The following POTEJ variants were observed in gnomAD, a reference collection of about 807,000 sequenced individuals.
POTEJ encodes POTE ankyrin domain family member J.
POTEJ carries 11 observed loss-of-function variants against 69.0 expected under a neutral mutation model. The ratio of observed to expected loss-of-function variants is 0.16; its 90% CI spans 0.10 to 0.26. POTEJ has a LOEUF of 0.26. POTEJ is among the 10% of genes least tolerant of loss of function. The pLI, the probability that POTEJ is intolerant of heterozygous loss-of-function variation, is 1.00. For synonymous variants in POTEJ, 117 were observed against 381.1 expected, an observed-to-expected ratio of 0.31 and a Z score of 8.07; for missense variants, 327 against 1,045.5, an observed-to-expected ratio of 0.31 and a Z score of 9.48.
At chr2:130,650,331 A>C (rs1397602992) in intron 13 of POTEJ, among the ~76,000 whole-genome samples, 3 of 152,268 alleles carry the variant, frequency 2.0e-5, no homozygotes, top group African/African-American at 7.2e-5. Context: ...ACACATAAAG[A>C]TTTCATTTTC....
chr2:130,637,284 T>A (rs1686129999), intron 9 of POTEJ, among the ~76,000 whole-genome samples: 2 of 150,612 alleles, frequency 1.3e-5, no homozygotes, highest in African/African-American at 4.9e-5. Context: ...GTAAACTGAG[T>A]CAGAGGAATT....
chr2:130,655,356 T>C (rs1420939610), intron 14 of POTEJ, among the ~76,000 whole-genome samples: 1 of 152,206 alleles, frequency 6.6e-6, no homozygotes, highest in African/African-American at 2.4e-5. Context: ...TTCTCGTTTT[T>C]GGACATTAGT....
At chr2:130,639,542 A>C (rs1210462881) in intron 10 of POTEJ, among the ~76,000 whole-genome samples, 1 of 152,286 alleles carries the variant, frequency 6.6e-6, no homozygotes, top group Non-Finnish European at 1.5e-5. Context: ...TGCAAGGGTC[A>C]GCAGATTATA....
At chr2:130,642,912 C>T (rs1686445311) in intron 10 of POTEJ, among the ~76,000 whole-genome samples, 1 of 150,682 alleles carries the variant, frequency 6.6e-6, no homozygotes, top group Non-Finnish European at 1.5e-5. Flanking sequence ...TAAGTCTCTG[C>T]TTGGGCATGT....
chr2:130,625,782 C>G (rs1232007002), intron 6 of POTEJ, among the ~76,000 whole-genome samples: 2 of 139,172 alleles, frequency 1.4e-5, no homozygotes, highest in East Asian at 1.9e-4. Flanking sequence ...GAGGTGAATA[C>G]TTAGCTAAGG....
In POTEJ at chr2:130,656,609, G is replaced by T. The variant is rs1686999115; in HGVS notation, c.1849G>T (p.Glu617Ter). 6.8e-6 allele frequency: 11 copies of T among 1,609,698 alleles called. No homozygotes were observed. Among genetic ancestry groups the T allele is most frequent in the Non-Finnish European group, 8.5e-6 (10 of 1,179,866 alleles). ...GCATGAAAATAGTATGTTGCGGGAA[G>T]AAATTGCCATGCTAAGACTGGAGCT... Reference protein sequence around the residue: ...FLHENSMLREEIAMLRLELDT... With the variant: ...FLHENSMLRE The change falls in exon 15 of 15, where the codon GAA becomes TAA. Residue 617 changes from glutamate (E) to a stop codon, truncating the protein, a stop_gained. Transcript: ENST00000409602. LOFTEE classifies it high-confidence loss of function.
chr2:130,613,036 T>C (rs1175953070), intron 1 of POTEJ, among the ~76,000 whole-genome samples: 5 of 135,138 alleles, frequency 3.7e-5, no homozygotes, highest in African/African-American at 1.4e-4. Context: ...CCCAAATATA[T>C]GTAAGAATTT....
chr2:130,640,453 T>A (rs1347119796), intron 10 of POTEJ, among the ~76,000 whole-genome samples: 1 of 150,616 alleles, frequency 6.6e-6, no homozygotes, highest in Non-Finnish European at 1.5e-5. Context: ...AAATACTAGA[T>A]GAGCAGTGGC....
At chr2:130,648,278 T>C (rs1686665116) in intron 13 of POTEJ, among the ~76,000 whole-genome samples, 1 of 146,772 alleles carries the variant, frequency 6.8e-6, no homozygotes, top group African/African-American at 2.6e-5. Context: ...TTAGAATATA[T>C]AATTGTTACA....
intron 3 of POTEJ, among the ~76,000 whole-genome samples, chr2:130,618,295 A>G (rs1685438026): frequency 6.6e-6 from 1 of 152,312 alleles, no homozygotes; most frequent in Non-Finnish European, 1.5e-5. Flanking sequence ...GAGAAATGAG[A>G]CTGAAGTAAT....
intron 13 of POTEJ, among the ~76,000 whole-genome samples, chr2:130,651,626 A>G (rs2105261183): frequency 8.0e-6 from 1 of 124,928 alleles, no homozygotes; most frequent in Admixed American, 8.2e-5. Context: ...TGTTTTTGGT[A>G]TTTTTAGAAG....
rs1398024557 is a variant in POTEJ at position 130,656,558 on chromosome 2, A to C, written c.1798A>C (p.Ser600Arg). ...VEKMNSELSL[S>R]CKKERDFLHE... ...CTCTTTGTTTACTTAGCTTTCTCTT[A>C]GTTGTAAGAAAGAAAGAGACTTCTT... The change falls in exon 15 of 15, where the codon AGT (serine) becomes CGT (arginine). Residue 600 changes from serine (S) to arginine (R), a missense_variant. Ser to Arg is a moderately radical substitution (Grantham distance 110). Transcript: ENST00000409602. 6 of 1,609,098 alleles carry C rather than the reference A, an allele frequency of 3.7e-6. No individual in the cohort carries two copies. In the Admixed American group the frequency reaches 8.3e-5, roughly 22 times the overall value.
chr2:130,626,590 T>C (rs1198437257), intron 6 of POTEJ, among the ~76,000 whole-genome samples: 1 of 152,098 alleles, frequency 6.6e-6, no homozygotes, highest in East Asian at 1.9e-4. Context: ...TAAAACTTTA[T>C]TTACAAAACC....
chr2:130,641,671 C>G (rs1201164143), intron 10 of POTEJ, among the ~76,000 whole-genome samples: 1 of 151,598 alleles, frequency 6.6e-6, no homozygotes. Context: ...CTGGTGAATA[C>G]AGGAGAGCAA....
At chr2:130,643,518 TAA>T (rs200363139) in intron 10 of POTEJ, among the ~76,000 whole-genome samples, 5 of 123,664 alleles carry the variant, frequency 4.0e-5, no homozygotes, top group Admixed American at 1.7e-4. Flanking sequence ...CCTGACTCAT[TAA>T]AAAAAAAAAA....
At chr2:130,643,438 G>A (rs901362686) in intron 10 of POTEJ, among the ~76,000 whole-genome samples, 4 of 136,044 alleles carry the variant, frequency 2.9e-5, no homozygotes, top group Non-Finnish European at 4.9e-5. Context: ...AGAATCACTT[G>A]AACCAGGGAG....
intron 10 of POTEJ, among the ~76,000 whole-genome samples, chr2:130,642,769 C>T (rs1354918115): frequency 9.2e-5 from 14 of 152,384 alleles, no homozygotes; most frequent in Non-Finnish European, 4.4e-5. Context: ...CTGGCAATGC[C>T]CTACTCACTC....
intron 13 of POTEJ, among the ~76,000 whole-genome samples, chr2:130,647,641 G>A (rs1292377604): frequency 6.6e-6 from 1 of 150,476 alleles, no homozygotes; most frequent in Non-Finnish European, 1.5e-5. Flanking sequence ...CGACTTTCTG[G>A]GCTCTAGTGA....
chr2:130,613,290 ATATATATACATATG>A (rs1003454894), intron 1 of POTEJ, among the ~76,000 whole-genome samples: 1 of 98,610 alleles, frequency 1.0e-5, no homozygotes, highest in African/African-American at 4.3e-5. Context: ...GTATATATAC[ATATATATACATATG>A]TATATATACA....
Sources: gnomAD v4.1 joint callset for allele counts (sites outside exome capture counted in the v4.1 genomes callset) on GRCh38, gnomAD v4.1.1 for gene constraint, MANE v1.5 for transcripts, NCBI Gene and HGNC (gene_info 2026-07-23, HGNC 2026-07-21) for gene names.